ATXN7: variants seen among roughly 807,000 people sequenced by gnomAD.
ATXN7 encodes the protein ataxin 7, also known as ataxin-7.
In ATXN7, 12 loss-of-function variants were observed where a neutral mutation model predicts 70.5. The observed-to-expected ratio is 0.17, with a 90% CI of 0.11 to 0.28. The LOEUF (loss-of-function observed/expected upper bound fraction) is 0.28, where lower values mean the gene tolerates loss of function less well. Among genes scored for constraint, ATXN7 ranks in the 10% least tolerant of loss-of-function variants. The pLI is 1.00. For missense variants in ATXN7, 1,256 were observed against 1,131.7 expected (o/e 1.11, Z -1.58); for synonymous variants, 498 against 448.7 (o/e 1.11, Z -1.39).
chr3:63,963,292 T>C (rs1257073455), intron 5 of ATXN7, among the ~76,000 whole-genome samples: 2 of 152,214 alleles, frequency 1.3e-5, no homozygotes, highest in East Asian at 3.9e-4. Context: ...CCTGTTTCTT[T>C]ATAGATTTTT....
chr3:63,983,054 C>T, intron 8 of ATXN7, 33 bp downstream of exon 8: 1 of 1,545,412 alleles, frequency 6.5e-7, no homozygotes. Context: ...AGTCGACCAT[C>T]CTGATAAACA....
chr3:63,964,829 T>C (rs11717460), intron 5 of ATXN7, among the ~76,000 whole-genome samples: 2,032 of 152,030 alleles, frequency 0.013, 18 homozygotes, highest in Non-Finnish European at 0.019. Flanking sequence ...TTGAAAATAC[T>C]TTTTTCCCCT....
chr3:63,940,829 A>G (rs2074748726), intron 4 of ATXN7, among the ~76,000 whole-genome samples: 1 of 152,156 alleles, frequency 6.6e-6, no homozygotes, highest in South Asian at 2.1e-4. Context: ...TGCTTGTCCA[A>G]ATGGTAGGGA....
intron 1 of ATXN7, among the ~76,000 whole-genome samples, chr3:63,869,269 T>A (rs779542262): frequency 1.3e-5 from 2 of 152,204 alleles, no homozygotes; most frequent in Non-Finnish European, 2.9e-5. Flanking sequence ...TCTCCTTCTT[T>A]GAGTCTAGAG....
At chr3:63,981,832 T>A (rs1386834096) in intron 6 of ATXN7, among the ~76,000 whole-genome samples, 2 of 152,190 alleles carry the variant, frequency 1.3e-5, no homozygotes, top group Non-Finnish European at 2.9e-5. Flanking sequence ...TCTCCAAGGG[T>A]TCTGCAAATA....
Position 63,995,954 on chromosome 3 carries a change from C to G in ATXN7, c.2132C>G (p.Ser711Cys), listed in dbSNP as rs372671103. ...GGSGKKRKNS[S>C]PLLVHSSSSS... ...TCAGGAAAGAAACGCAAAAACAGTT[C>G]CCCACTGTTGGTTCACTCTTCCTCC... The change falls in exon 12 of 13, where the codon TCC becomes TGC. Residue 711 changes from serine to cysteine, a missense_variant. Transcript: ENST00000674280. 6.2e-6 allele frequency: 10 copies of G among 1,614,000 alleles called. No individual in the cohort carries two copies. The African/African-American group carries it at 1.3e-4, about 22-fold the overall frequency.
chr3:63,962,931 T>C (rs1353873080), intron 5 of ATXN7, among the ~76,000 whole-genome samples: 6 of 150,612 alleles, frequency 4.0e-5, no homozygotes, highest in African/African-American at 9.8e-5. Flanking sequence ...TTTTTTCTTC[T>C]TCAAGACAGA....
chr3:63,912,453 G>C, intron 2 of ATXN7, 135 bp from the exon 3 acceptor site: 1 of 406,870 alleles, frequency 2.5e-6, no homozygotes, highest in Non-Finnish European at 3.3e-6. Flanking sequence ...GGCTCGGGGG[G>C]CTGGGCGGCC....
At chr3:63,895,438 A>G (rs1703412475) in intron 1 of ATXN7, among the ~76,000 whole-genome samples, 1 of 152,168 alleles carries the variant, frequency 6.6e-6, no homozygotes, top group South Asian at 2.1e-4. Context: ...ATATTCTTTT[A>G]TAACACATTC....
chr3:63,876,222 A>G (rs989963553), intron 1 of ATXN7, among the ~76,000 whole-genome samples: 1 of 152,054 alleles, frequency 6.6e-6, no homozygotes, highest in Non-Finnish European at 1.5e-5. Flanking sequence ...TCATTTCCTT[A>G]TACTTTTTTC....
chr3:63,989,253 C>A (rs1177981417), intron 9 of ATXN7, among the ~76,000 whole-genome samples: 2 of 152,186 alleles, frequency 1.3e-5, no homozygotes, highest in Non-Finnish European at 2.9e-5. Context: ...CTCCCCAAGT[C>A]CTTTCTTTGG....
intron 12 of ATXN7, chr3:63,998,277 C>T: frequency 1.0e-6 from 1 of 984,750 alleles, no homozygotes; most frequent in Non-Finnish European, 1.2e-6. Context: ...GCAGCTGCTT[C>T]CAGACATTTG....
chr3:63,972,959 G>A (rs996614930), intron 5 of ATXN7, among the ~76,000 whole-genome samples: 1 of 152,162 alleles, frequency 6.6e-6, no homozygotes, highest in Non-Finnish European at 1.5e-5. Context: ...GCTAACAGGG[G>A]GCCTCTGTCT....
At chr3:63,966,725 G>C (rs2075229716) in intron 5 of ATXN7, among the ~76,000 whole-genome samples, 1 of 152,142 alleles carries the variant, frequency 6.6e-6, no homozygotes. Flanking sequence ...CCGTTTTCAT[G>C]CCTCTCTCAG....
intron 1 of ATXN7, among the ~76,000 whole-genome samples, chr3:63,872,426 C>G (rs2107203253): frequency 6.6e-6 from 1 of 152,178 alleles, no homozygotes; most frequent in Non-Finnish European, 1.5e-5. Context: ...ACTAGTTAGT[C>G]AAGCTGGGCT....
chr3:63,866,016 A>G (rs769907973), intron 1 of ATXN7, among the ~76,000 whole-genome samples: 2 of 151,830 alleles, frequency 1.3e-5, no homozygotes, highest in Non-Finnish European at 2.9e-5. Context: ...GTGATTTAAA[A>G]TAATCTGTAA....
At position 63,863,928 on chromosome 3, in the gene ATXN7, C is replaced by A; in HGVS notation, c.-341C>A. ...CGGCGGCGCCCGCGGCCGCCTGCTC[C>A]GACGCCTGAGCCGCGCCGCGCCGCG... On this transcript the variant is annotated 5_prime_UTR_variant, in exon 1 of 13. Coordinates refer to ENST00000674280, the MANE Select transcript of ATXN7 (RefSeq NM_001377405.1). 5.6e-6 allele frequency: 4 copies of A among 720,664 alleles called. No individual in the cohort carries two copies. Among genetic ancestry groups the A allele is most frequent in the Non-Finnish European group, 6.8e-6 (4 of 587,842 alleles). The allele number at this position is 720,664 out of a possible 1,614,324, so 44.6% of individuals were successfully genotyped here. A position where few individuals can be genotyped will look rare whatever the true frequency, so the allele number is the denominator to read the frequency against.
chr3:63,977,853 T>C (rs2075415169), intron 5 of ATXN7, among the ~76,000 whole-genome samples: 1 of 152,184 alleles, frequency 6.6e-6, no homozygotes, highest in African/African-American at 2.4e-5. Flanking sequence ...GATGATAGAA[T>C]TGATAAAGTA....
intron 4 of ATXN7, among the ~76,000 whole-genome samples, chr3:63,933,939 G>A (rs544649818): frequency 3.4e-4 from 51 of 151,598 alleles, no homozygotes; most frequent in African/African-American, 1.2e-3. Flanking sequence ...TCCTAAATTA[G>A]CCAGTATGGT....
Sources: gnomAD v4.1 joint callset for allele counts (sites outside exome capture counted in the v4.1 genomes callset) on GRCh38, gnomAD v4.1.1 for gene constraint, MANE v1.5 for transcripts, NCBI Gene and HGNC (gene_info 2026-07-23, HGNC 2026-07-21) for gene names.